SUPT3H: variants seen among roughly 807,000 people sequenced by gnomAD.
SUPT3H encodes the protein SPT3 homolog, SAGA and STAGA complex component, also known as transcription initiation protein SPT3 homolog.
A neutral mutation model predicts 44.3 loss-of-function variants in SUPT3H; 44 were observed. The observed-to-expected ratio is 0.99, with a 90% CI of 0.78 to 1.28. The LOEUF is 1.28. Ranked by LOEUF, SUPT3H falls within the 50% of genes most tolerant of loss-of-function variation. SUPT3H has a pLI of 0.00. For missense variants in SUPT3H, 380 were observed against 387.1 expected (o/e 0.98, Z 0.15); for synonymous variants, 124 against 125.6 (o/e 0.99, Z 0.09).
intron 5 of SUPT3H, among the ~76,000 whole-genome samples, chr6:45,008,739 CTAA>C (rs777278367): frequency 2.6e-5 from 4 of 151,486 alleles, no homozygotes; most frequent in Non-Finnish European, 5.9e-5. Context: ...TCTCTGATGG[CTAA>C]TGACTTTTTT....
chr6:44,960,598 T>C (rs1265440620), intron 7 of SUPT3H, among the ~76,000 whole-genome samples: 1 of 152,062 alleles, frequency 6.6e-6, no homozygotes, highest in Non-Finnish European at 1.5e-5. Flanking sequence ...ATTTAAAATA[T>C]AATTTAAAAA....
intron 2 of SUPT3H, among the ~76,000 whole-genome samples, chr6:45,172,739 G>A (rs946965112): frequency 8.6e-5 from 13 of 151,564 alleles, no homozygotes; most frequent in South Asian, 2.1e-4. Context: ...CTACAGGTGC[G>A]CACCACCGTG....
At chr6:45,006,254 T>C (rs1782702825) in intron 5 of SUPT3H, among the ~76,000 whole-genome samples, 1 of 152,112 alleles carries the variant, frequency 6.6e-6, no homozygotes, top group African/African-American at 2.4e-5. Context: ...GTTTATAATG[T>C]CTCAATGTAA....
rs1276305366 is a variant in SUPT3H, at chr6:45,067,394, T to C, written c.186+38528A>G. Among the ~76,000 whole-genome samples the C allele has an allele frequency of 4.8e-5, 6 of 126,276 alleles. 1 individual carries two copies. Among genetic ancestry groups the C allele is most frequent in the South Asian group, 2.6e-4 (1 of 3,904 alleles). 82.8% of individuals were successfully genotyped at this position (126,276 alleles called of 152,430 possible). Reference sequence around the variant, plus strand: ...AACCTAGGCATTACCCTTCAGGACATAGGCATGGGCAAGGACTTCATTTCC... The same window carrying C: ...AACCTAGGCATTACCCTTCAGGACACAGGCATGGGCAAGGACTTCATTTCC... On this transcript the variant is annotated intron_variant, in intron 3 of 10. Transcript: ENST00000371459.
intron 2 of SUPT3H, among the ~76,000 whole-genome samples, chr6:45,230,250 C>G (rs1242261428): frequency 2.0e-5 from 3 of 152,160 alleles, no homozygotes; most frequent in Non-Finnish European, 4.4e-5. Flanking sequence ...TCCATTTGGT[C>G]TAAAGTCTAG....
At chr6:45,114,984 T>C (rs1800629035) in intron 2 of SUPT3H, among the ~76,000 whole-genome samples, 2 of 152,158 alleles carry the variant, frequency 1.3e-5, no homozygotes, top group African/African-American at 4.8e-5. Context: ...TGAACATCTA[T>C]TAAGCCTCCA....
At chr6:45,257,593 C>G (rs975984184) in intron 2 of SUPT3H, among the ~76,000 whole-genome samples, 6 of 152,128 alleles carry the variant, frequency 3.9e-5, no homozygotes, top group Non-Finnish European at 7.4e-5. Flanking sequence ...TTACCACAGA[C>G]TGGGTAATTT....
chr6:45,295,108 G>C (rs2149886598), intron 2 of SUPT3H, among the ~76,000 whole-genome samples: 1 of 152,120 alleles, frequency 6.6e-6, no homozygotes, highest in African/African-American at 2.4e-5. Flanking sequence ...ATACTATTAG[G>C]CTATAGTCAC....
At chr6:45,205,713 C>T (rs1373736937) in intron 2 of SUPT3H, among the ~76,000 whole-genome samples, 2 of 152,014 alleles carry the variant, frequency 1.3e-5, no homozygotes, top group East Asian at 1.9e-4. Flanking sequence ...AGGAGAATTG[C>T]TTGAACCTGG....
At chr6:44,849,874 T>A (rs1394989927) in intron 10 of SUPT3H, among the ~76,000 whole-genome samples, 2 of 152,200 alleles carry the variant, frequency 1.3e-5, no homozygotes, top group African/African-American at 4.8e-5. Context: ...TTTATACATT[T>A]ATAAAAGCGA....
chr6:44,890,664 C>A lies in SUPT3H; in HGVS notation c.912+41989G>T, dbSNP rs187007273. 5.9e-3 allele frequency among the ~76,000 whole-genome samples: 871 copies of A among 147,510 alleles called. 12 individuals carry two copies. Among genetic ancestry groups the A allele is most frequent in the African/African-American group, 0.021 (817 of 39,696 alleles). On this transcript the variant is annotated intron_variant, in intron 10 of 10. Coordinates refer to ENST00000371459, the MANE Select transcript of SUPT3H (RefSeq NM_003599.4). ...AGGAGACGTACCTAATGCTAAATGA[C>A]GAGTTAATGGGTGCAGCACACCAGC...
chr6:44,986,889 AT>A (rs1779870206), intron 6 of SUPT3H, among the ~76,000 whole-genome samples: 1 of 152,148 alleles, frequency 6.6e-6, no homozygotes, highest in African/African-American at 2.4e-5. Context: ...GCCATGAATA[AT>A]ATAGTAGAGT....
chr6:44,948,480 C>T (rs557432933), intron 9 of SUPT3H, among the ~76,000 whole-genome samples: 60 of 152,226 alleles, frequency 3.9e-4, no homozygotes, highest in Admixed American at 5.9e-4. Context: ...AAAATTTTTA[C>T]AATCTACCCA....
chr6:44,985,163 A>G (rs1779603737), intron 6 of SUPT3H, among the ~76,000 whole-genome samples: 1 of 149,822 alleles, frequency 6.7e-6, no homozygotes, highest in Non-Finnish European at 1.5e-5. Context: ...ACAAAGCAAG[A>G]CCTCATCTCT....
intron 3 of SUPT3H, chr6:45,098,842 G>C (rs936338168): frequency 1.8e-6 from 1 of 548,546 alleles, no homozygotes; most frequent in Non-Finnish European, 3.6e-6. Flanking sequence ...CACAGGGCAG[G>C]CTGCAGAAGT....
In SUPT3H at chr6:44,896,455, G is replaced by C. The variant is rs151255015; in HGVS notation, c.912+36198C>G. On this transcript the variant is annotated intron_variant, in intron 10 of 10. Coordinates refer to ENST00000371459, the MANE Select transcript of SUPT3H (RefSeq NM_003599.4). ...TTCTACATAAAGAAACTGAGTTACA[G>C]AGAGGTTAAGTAACTTGCTCAAAGA... Among the ~76,000 whole-genome samples the C allele has an allele frequency of 3.6e-4, 55 of 152,292 alleles. No individual in the cohort carries two copies. In the East Asian group the frequency reaches 9.7e-3, roughly 27 times the overall value.
At chr6:44,988,737 T>C (rs897010193) in intron 6 of SUPT3H, among the ~76,000 whole-genome samples, 4 of 152,058 alleles carry the variant, frequency 2.6e-5, no homozygotes, top group Non-Finnish European at 5.9e-5. Context: ...GTTTTTAACA[T>C]GTATTTGATA....
At chr6:45,132,841 A>G (rs563038987) in intron 2 of SUPT3H, among the ~76,000 whole-genome samples, 1 of 152,312 alleles carries the variant, frequency 6.6e-6, no homozygotes, top group South Asian at 2.1e-4. Context: ...TTCAATCCTC[A>G]TACAAGTACA....
intron 2 of SUPT3H, among the ~76,000 whole-genome samples, chr6:45,224,801 TAGAA>T (rs901230559): frequency 8.1e-5 from 12 of 148,944 alleles, no homozygotes; most frequent in Admixed American, 6.0e-4. Flanking sequence ...GAAAGAAAGA[TAGAA>T]AGAAAAAAAC....
Sources: gnomAD v4.1 joint callset for allele counts (sites outside exome capture counted in the v4.1 genomes callset) on GRCh38, gnomAD v4.1.1 for gene constraint, MANE v1.5 for transcripts, NCBI Gene and HGNC (gene_info 2026-07-23, HGNC 2026-07-21) for gene names.